DHDDS: variants seen among roughly 807,000 people sequenced by gnomAD.
DHDDS encodes the protein dehydrodolichyl diphosphate synthase complex subunit DHDDS.
A neutral mutation model predicts 46.2 loss-of-function variants in DHDDS; 16 were observed. That is an observed-to-expected ratio of 0.35 (90% CI 0.23 to 0.53). DHDDS has a LOEUF of 0.53. Ranked by LOEUF, DHDDS falls within the 20% of genes least tolerant of loss-of-function variation. DHDDS has a pLI of 0.94. For missense variants in DHDDS, 340 were observed against 423.7 expected (o/e 0.80, Z 1.73); for synonymous variants, 151 against 163.1 (o/e 0.93, Z 0.56).
rs374166981 is a variant in DHDDS at position 26,439,476 on chromosome 1, C to T, written c.180+1192C>T. Among the ~76,000 whole-genome samples, 51 of 151,834 alleles carry T rather than the reference C, an allele frequency of 3.4e-4. No homozygotes were observed. The South Asian group carries it at 9.1e-3, about 27-fold the overall frequency. On this transcript the variant is annotated intron_variant, in intron 3 of 8. Coordinates refer to ENST00000236342, the MANE Select transcript of DHDDS (RefSeq NM_205861.3). ...GCATGCCTGTGGTCCCAGCTACTTACGAGACTGAGGTGGAAGGATGACTTG... is the reference window on the plus strand; with the variant it reads ...GCATGCCTGTGGTCCCAGCTACTTATGAGACTGAGGTGGAAGGATGACTTG...
chr1:26,447,493 A>G, intron 5 of DHDDS, 66 bp from the exon 6 acceptor site: 1 of 1,298,730 alleles, frequency 7.7e-7, no homozygotes, highest in Non-Finnish European at 1.1e-6. Flanking sequence ...GCTTCTCTGT[A>G]ATCAGTGACT....
At chr1:26,453,394 T>G (rs1031010430) in intron 6 of DHDDS, among the ~76,000 whole-genome samples, 2 of 152,216 alleles carry the variant, frequency 1.3e-5, no homozygotes, top group African/African-American at 4.8e-5. Flanking sequence ...CCTGCATTTT[T>G]TATTGTTTCC....
intron 8 of DHDDS, among the ~76,000 whole-genome samples, chr1:26,461,383 C>CTTTTT (rs71581068): frequency 7.3e-6 from 1 of 136,482 alleles, no homozygotes; most frequent in Non-Finnish European, 1.6e-5. Context: ...ACATAGAATA[C>CTTTTT]TTTTTTTTTT....
intron 5 of DHDDS, among the ~76,000 whole-genome samples, chr1:26,446,687 A>AGTGTGTGT (rs138481581): frequency 7.4e-5 from 11 of 149,010 alleles, no homozygotes; most frequent in African/African-American, 2.5e-4. Flanking sequence ...CCACCAAATA[A>AGTGTGTGT]GTGTGTGTGT....
chr1:26,459,857 C>A (rs1283748115), intron 7 of DHDDS, among the ~76,000 whole-genome samples, 180 bp from the exon 8 acceptor site: 1 of 152,172 alleles, frequency 6.6e-6, no homozygotes, highest in Admixed American at 6.6e-5. Flanking sequence ...AGTGACGCCT[C>A]CCCCTACTAG....
intron 6 of DHDDS, among the ~76,000 whole-genome samples, chr1:26,453,298 A>G (rs571200130): frequency 5.6e-4 from 86 of 152,250 alleles, no homozygotes; most frequent in East Asian, 9.6e-4. Context: ...AATTTCTTTA[A>G]CCAGTCTTCT....
At chr1:26,457,704 T>C in intron 6 of DHDDS, 87 bp from the exon 7 acceptor site, 1 of 984,126 alleles carries the variant, frequency 1.0e-6, no homozygotes, top group Non-Finnish European at 1.6e-6. Context: ...CTGAGAAGCC[T>C]ATATATGGAA....
chr1:26,468,234 G>T (rs1182451733), intron 8 of DHDDS, among the ~76,000 whole-genome samples: 1 of 152,048 alleles, frequency 6.6e-6, no homozygotes, highest in African/African-American at 2.4e-5. Flanking sequence ...TCATAGGGGG[G>T]TCATTTGCTG....
At chr1:26,436,300 G>T (rs1445801134) in intron 2 of DHDDS, among the ~76,000 whole-genome samples, 1 of 152,120 alleles carries the variant, frequency 6.6e-6, no homozygotes, top group Non-Finnish European at 1.5e-5. Context: ...TTGGGGAATT[G>T]AAGTGGGAGG....
chr1:26,452,617 C>T (rs1241756825), intron 6 of DHDDS, among the ~76,000 whole-genome samples: 1 of 152,134 alleles, frequency 6.6e-6, no homozygotes, highest in Non-Finnish European at 1.5e-5. Flanking sequence ...AAGGTAGATA[C>T]TGTTTTTATG....
intron 8 of DHDDS, among the ~76,000 whole-genome samples, chr1:26,465,594 T>C (rs577022654): frequency 6.6e-6 from 1 of 152,348 alleles, no homozygotes; most frequent in Non-Finnish European, 1.5e-5. Flanking sequence ...CAGTAATACC[T>C]ACCTTGCAGG....
chr1:26,455,585 C>CA (rs2075363591), intron 6 of DHDDS, among the ~76,000 whole-genome samples: 1 of 151,980 alleles, frequency 6.6e-6, no homozygotes, highest in Admixed American at 6.6e-5. Flanking sequence ...CGTCTTTACT[C>CA]AAAGTACAAA....
chr1:26,447,953 A>C, intron 6 of DHDDS: 1 of 587,688 alleles, frequency 1.7e-6, no homozygotes, highest in Non-Finnish European at 3.0e-6. Context: ...AAATTTAGAG[A>C]TTAGGATTGG....
At chr1:26,468,832 AT>A in intron 8 of DHDDS, 62 bp from the exon 9 acceptor site, 1 of 785,262 alleles carries the variant, frequency 1.3e-6, no homozygotes, top group East Asian at 6.0e-5. Context: ...TACCTCCTCC[AT>A]CCCAGTTTCA....
At chr1:26,432,522 A>G in intron 1 of DHDDS, 146 bp downstream of exon 1, 1 of 250,328 alleles carries the variant, frequency 4.0e-6, no homozygotes, top group Non-Finnish European at 8.0e-6. Flanking sequence ...TGAAGGAGTT[A>G]GTAACTGGGA....
At chr1:26,463,420 C>T (rs552652906) in intron 8 of DHDDS, 2 of 152,292 alleles carry the variant, frequency 1.3e-5, no homozygotes, top group South Asian at 4.2e-4. Context: ...AATTTCTTTT[C>T]AGGATAATAC....
intron 6 of DHDDS, 77 bp downstream of exon 6, chr1:26,447,737 CT>C (rs1245818807): frequency 7.4e-6 from 10 of 1,360,212 alleles, no homozygotes; most frequent in Non-Finnish European, 1.0e-5. Flanking sequence ...GCCTGTAATC[CT>C]AGCACATTAG....
Position 26,432,970 on chromosome 1 carries a change from C to T in DHDDS, c.25C>T (p.Leu9=), listed in dbSNP as rs762378773. Residue 9 remains leucine, a synonymous_variant, in exon 2 of 9, where the codon CTG becomes TTG. Coordinates refer to ENST00000236342, the MANE Select transcript of DHDDS (RefSeq NM_205861.3). MSWIKEGE[L]SLWERFCANI... ...TATGTCATGGATCAAGGAAGGAGAG[C>T]TGTCACTTTGGGAGCGGTTCTGTGC... 1.2e-6 allele frequency: 2 copies of T among 1,614,060 alleles called. No individual in the cohort carries two copies. The highest frequency in any genetic ancestry group is 2.7e-5 in the African/African-American group (2 of 74,920).
At chr1:26,436,080 C>A (rs911890755) in intron 2 of DHDDS, among the ~76,000 whole-genome samples, 1 of 151,512 alleles carries the variant, frequency 6.6e-6, no homozygotes, top group Non-Finnish European at 1.5e-5. Flanking sequence ...TGGAAGGTAC[C>A]ATCTTCATTT....
Sources: allele counts gnomAD v4.1 joint callset (sites outside exome capture counted in the v4.1 genomes callset), GRCh38; gene constraint gnomAD v4.1.1; transcripts MANE v1.5; gene names NCBI Gene and HGNC (gene_info 2026-07-23, HGNC 2026-07-21).